The following RPRD2 variants were observed in gnomAD, a reference collection of about 807,000 sequenced individuals.
RPRD2 encodes regulation of nuclear pre-mRNA domain-containing protein 2.
RPRD2 carries 12 observed loss-of-function variants against 104.4 expected under a neutral mutation model. The ratio of observed to expected loss-of-function variants is 0.11; its 90% confidence interval spans 0.07 to 0.19. The LOEUF (loss-of-function observed/expected upper bound fraction) is 0.19, where lower values mean the gene tolerates loss of function less well. Ranked by LOEUF, RPRD2 falls within the 10% of genes least tolerant of loss-of-function variation. The pLI is 1.00. For synonymous variants in RPRD2, 714 were observed against 684.9 expected (o/e 1.04, Z -0.66); for missense variants, 1,543 against 1,790.1 (o/e 0.86, Z 2.49).
At chr1:150,378,862 A>G (rs1299302441) in intron 1 of RPRD2, among the ~76,000 whole-genome samples, 1 of 151,666 alleles carries the variant, frequency 6.6e-6, no homozygotes, top group Non-Finnish European at 1.5e-5. Context: ...GCGCGCCTGT[A>G]ATCCCAACCA....
intron 9 of RPRD2, among the ~76,000 whole-genome samples, chr1:150,460,850 C>G (rs955035655): frequency 2.0e-5 from 3 of 151,306 alleles, no homozygotes; most frequent in Non-Finnish European, 4.4e-5. Context: ...CTTAGCCTCC[C>G]AAATAGCTGG....
At chr1:150,406,917 G>A (rs916569625) in intron 1 of RPRD2, among the ~76,000 whole-genome samples, 1 of 152,052 alleles carries the variant, frequency 6.6e-6, no homozygotes, top group East Asian at 1.9e-4. Context: ...GTTTCTCCAT[G>A]TTGATCAGGC....
At chr1:150,397,317 T>G (rs2102202895) in intron 1 of RPRD2, among the ~76,000 whole-genome samples, 1 of 152,326 alleles carries the variant, frequency 6.6e-6, no homozygotes, top group East Asian at 1.9e-4. Context: ...TTGCTTTTTT[T>G]GGGTGGTGGG....
intron 5 of RPRD2, among the ~76,000 whole-genome samples, chr1:150,443,787 C>T (rs587617786): frequency 1.1e-4 from 16 of 151,762 alleles, no homozygotes; most frequent in South Asian, 2.1e-4. Context: ...GGGCGGATCA[C>T]GAGGTCAGGA....
At chr1:150,456,310 C>A (rs1350924314) in intron 7 of RPRD2, among the ~76,000 whole-genome samples, 2 of 152,042 alleles carry the variant, frequency 1.3e-5, no homozygotes, top group African/African-American at 4.8e-5. Flanking sequence ...ATATAAATTA[C>A]AGATAACTGC....
intron 1 of RPRD2, among the ~76,000 whole-genome samples, chr1:150,371,201 A>G (rs587613466): frequency 2.0e-3 from 308 of 152,338 alleles, no homozygotes; most frequent in Non-Finnish European, 3.0e-3. Flanking sequence ...TGAAGCTGGT[A>G]ATAATTTTAT....
At chr1:150,442,123 T>G (rs1666447563) in intron 4 of RPRD2, among the ~76,000 whole-genome samples, 165 bp downstream of exon 4, 1 of 103,018 alleles carries the variant, frequency 9.7e-6, no homozygotes, top group Non-Finnish European at 2.3e-5. Flanking sequence ...ATGGAGATAC[T>G]TCTAAAAAAA....
Position 150,473,444 on chromosome 1 carries a change from T to C in RPRD2, c.*110T>C. 9.2e-7 allele frequency: 1 copy of C among 1,091,724 alleles called. No individual in the cohort carries two copies. Among genetic ancestry groups the C allele is most frequent in the East Asian group, 2.5e-5 (1 of 40,376 alleles). 67.6% of individuals were successfully genotyped at this position (1,091,724 alleles called of 1,614,324 possible). A position where few individuals can be genotyped will look rare whatever the true frequency, so the allele number is the denominator to read the frequency against. ...TTCTCTTTCTCGATTTTTTTTTTATTATAACAAAGGGCCTCTCTTCCAAAG... is the reference window on the plus strand; with the variant it reads ...TTCTCTTTCTCGATTTTTTTTTTATCATAACAAAGGGCCTCTCTTCCAAAG... On this transcript the variant is annotated 3_prime_UTR_variant, in exon 11 of 11. Coordinates refer to ENST00000369068, the MANE Select transcript of RPRD2 (RefSeq NM_015203.5).
chr1:150,396,254 C>G (rs1662515796), intron 1 of RPRD2, among the ~76,000 whole-genome samples: 3 of 144,818 alleles, frequency 2.1e-5, no homozygotes, highest in African/African-American at 7.7e-5. Context: ...GGAAATTAAT[C>G]ATTTGTTAGA....
At chr1:150,436,581 A>G (rs1435951857) in intron 2 of RPRD2, among the ~76,000 whole-genome samples, 2 of 147,268 alleles carry the variant, frequency 1.4e-5, no homozygotes, top group Admixed American at 6.8e-5. Context: ...CCTGGGCAAC[A>G]GAGCAAGACT....
intron 7 of RPRD2, among the ~76,000 whole-genome samples, chr1:150,454,471 A>T (rs1321203170): frequency 6.6e-6 from 1 of 152,104 alleles, no homozygotes; most frequent in Non-Finnish European, 1.5e-5. Flanking sequence ...CTTGTTCTTG[A>T]TGGGAGCATT....
At chr1:150,388,133 G>A (rs782299455) in intron 1 of RPRD2, among the ~76,000 whole-genome samples, 4 of 151,370 alleles carry the variant, frequency 2.6e-5, no homozygotes, top group Non-Finnish European at 5.9e-5. Context: ...GCCTAGGCTG[G>A]TCTTAAACTC....
At position 150,462,165 on chromosome 1, in the gene RPRD2, C is replaced by T. The variant is rs1314664007; in HGVS notation, c.1411+1848C>T. The stretch of plus-strand genomic sequence containing the variant: ...GGCATGGTGGCATGCATCTGTAGTC[C>T]CAGCTACTTGGGAGGCTGAGGCAGG... On this transcript the variant is annotated intron_variant, in intron 9 of 10. Coordinates refer to ENST00000369068, the MANE Select transcript of RPRD2 (RefSeq NM_015203.5). Among the ~76,000 whole-genome samples the T allele has an allele frequency of 2.0e-5, 3 of 152,088 alleles. No homozygotes were observed. In the East Asian group the frequency reaches 5.8e-4, roughly 29 times the overall value.
At position 150,457,573 on chromosome 1, in the gene RPRD2, A is replaced by G; in HGVS notation, c.1153+3A>G. 6.2e-7 allele frequency: 1 copy of G among 1,611,794 alleles called. No individual in the cohort carries two copies. ...AGATGATGGGTCAAAAATCATTGGT[A>G]TGTCTTTATGTGATTAATAGACAAC... is the stretch of plus-strand genomic sequence containing the variant. On this transcript the variant is annotated splice_donor_region_variant and intron_variant, in intron 8 of 10. Coordinates refer to ENST00000369068, the MANE Select transcript of RPRD2 (RefSeq NM_015203.5).
At chr1:150,379,375 G>C (rs907361922) in intron 1 of RPRD2, among the ~76,000 whole-genome samples, 19 of 151,812 alleles carry the variant, frequency 1.3e-4, no homozygotes, top group African/African-American at 4.4e-4. Context: ...TAAATTCTTA[G>C]GTTTAATTTC....
rs1304493043 is a variant in RPRD2 at position 150,460,052 on chromosome 1, T to C, written c.1154-8T>C. 6.2e-7 allele frequency: 1 copy of C among 1,612,376 alleles called. No individual in the cohort carries two copies. The highest frequency in any genetic ancestry group is 8.5e-7 in the Non-Finnish European group (1 of 1,178,790). On this transcript the variant is annotated splice_region_variant and splice_polypyrimidine_tract_variant and intron_variant, in intron 8 of 10. Coordinates refer to ENST00000369068, the MANE Select transcript of RPRD2 (RefSeq NM_015203.5). The stretch of plus-strand genomic sequence containing the variant: ...AGGATGTAATATCTCTTTTCTTTGT[T>C]GAAACAGTCGAGGACAGGAAGGAAA...
At chr1:150,371,630 A>G (rs1660304110) in intron 1 of RPRD2, among the ~76,000 whole-genome samples, 1 of 152,104 alleles carries the variant, frequency 6.6e-6, no homozygotes, top group African/African-American at 2.4e-5. Context: ...TGGCCTCCCA[A>G]AGTGCTGGGA....
intron 4 of RPRD2, 26 bp from the exon 5 acceptor site, chr1:150,443,205 A>G: frequency 6.4e-7 from 1 of 1,554,024 alleles, no homozygotes; most frequent in African/African-American, 1.4e-5. Context: ...CTGTATTCTT[A>G]ATGACCTTTT....
intron 2 of RPRD2, among the ~76,000 whole-genome samples, chr1:150,437,977 T>TAAAAAAA (rs35517552): frequency 7.7e-6 from 1 of 129,636 alleles, no homozygotes; most frequent in Non-Finnish European, 1.6e-5. Context: ...TGTCATTATT[T>TAAAAAAA]AAAAAAAAAA....
Sources: gnomAD v4.1 joint callset for allele counts (sites outside exome capture counted in the v4.1 genomes callset) on GRCh38, gnomAD v4.1.1 for gene constraint, MANE v1.5 for transcripts, NCBI Gene and HGNC (gene_info 2026-07-23, HGNC 2026-07-21) for gene names.